The following CRY1 variants were observed in gnomAD, a reference collection of about 807,000 sequenced individuals.
CRY1 encodes the protein cryptochrome-1.
Under a neutral mutation model 76.0 loss-of-function variants are expected in CRY1, and 45 were observed. The observed-to-expected ratio is 0.59, with a 90% CI of 0.47 to 0.76. The LOEUF is 0.76. Among genes scored for constraint, CRY1 ranks in the 30% least tolerant of loss-of-function variants. CRY1 has a pLI of 0.00. For missense variants in CRY1, 587 were observed against 716.4 expected, an observed-to-expected ratio of 0.82 and a Z score of 2.06; for synonymous variants, 248 against 244.0, an observed-to-expected ratio of 1.02 and a Z score of -0.15.
chr12:107,051,129 A>G (rs1952914336), intron 1 of CRY1, among the ~76,000 whole-genome samples: 1 of 152,232 alleles, frequency 6.6e-6, no homozygotes, highest in Non-Finnish European at 1.5e-5. Flanking sequence ...TTTCAATTAC[A>G]TGCGTTTACA....
intron 1 of CRY1, among the ~76,000 whole-genome samples, chr12:107,069,198 C>A (rs372501170): frequency 7.9e-5 from 12 of 151,286 alleles, no homozygotes; most frequent in African/African-American, 2.9e-4. Flanking sequence ...TTTCTCCACA[C>A]CCTCGCCAAC....
chr12:107,035,614 T>C (rs1263475159), intron 1 of CRY1, among the ~76,000 whole-genome samples: 1 of 152,184 alleles, frequency 6.6e-6, no homozygotes, highest in Non-Finnish European at 1.5e-5. Flanking sequence ...GACACTTGAA[T>C]AATAAAGTGG....
rs567436573 is a variant in CRY1 at position 107,061,001 on chromosome 12, A to G, written c.158+31803T>C. Among the ~76,000 whole-genome samples, 26 of 152,102 alleles carry G rather than the reference A, an allele frequency of 1.7e-4. No individual in the cohort carries two copies. The South Asian group carries it at 2.7e-3, about 16-fold the overall frequency. On this transcript the variant is annotated intron_variant, in intron 1 of 12. Transcript: ENST00000008527. The stretch of plus-strand genomic sequence containing the variant: ...AAAAACAAAAATCAAACAAACAAAA[A>G]AAATTATTTCTCTTTACTGAGATTC...
chr12:107,087,766 G>C (rs1288926930), intron 1 of CRY1, among the ~76,000 whole-genome samples: 1 of 152,178 alleles, frequency 6.6e-6, no homozygotes, highest in Non-Finnish European at 1.5e-5. Context: ...AGAAAAAAGA[G>C]GGTGGGCATG....
At chr12:107,088,443 A>G (rs1953429433) in intron 1 of CRY1, among the ~76,000 whole-genome samples, 1 of 152,168 alleles carries the variant, frequency 6.6e-6, no homozygotes, top group Non-Finnish European at 1.5e-5. Context: ...TTCTTTATAA[A>G]TTACCCACCC....
At chr12:107,085,669 G>C (rs906285508) in intron 1 of CRY1, among the ~76,000 whole-genome samples, 21 of 152,208 alleles carry the variant, frequency 1.4e-4, no homozygotes, top group Admixed American at 3.3e-4. Context: ...AGGGGTTGAG[G>C]GGCAAGGGGA....
intron 10 of CRY1, among the ~76,000 whole-genome samples, chr12:106,994,907 G>C (rs1352865274): frequency 6.6e-6 from 1 of 152,230 alleles, no homozygotes; most frequent in East Asian, 1.9e-4. Context: ...TATTCAAATT[G>C]TAGGAGATAC....
At chr12:107,054,364 TATTA>T (rs886783521) in intron 1 of CRY1, among the ~76,000 whole-genome samples, 20 of 151,828 alleles carry the variant, frequency 1.3e-4, no homozygotes, top group East Asian at 7.7e-4. Flanking sequence ...GTAATTATTT[TATTA>T]ATTAATAAAT....
chr12:107,068,610 T>C (rs897054123), intron 1 of CRY1, among the ~76,000 whole-genome samples: 1 of 152,102 alleles, frequency 6.6e-6, no homozygotes, highest in Non-Finnish European at 1.5e-5. Flanking sequence ...AAATTAATAA[T>C]GTTAAAATGT....
intron 1 of CRY1, among the ~76,000 whole-genome samples, chr12:107,026,162 T>TATATATATATTACATATATATATAAA (rs1952612434): frequency 1.4e-4 from 3 of 21,888 alleles, no homozygotes; most frequent in Admixed American, 7.0e-4. Flanking sequence ...ATATAAAATA[T>TATATATATATTACATATATATATAAA]ATATATATAT....
chr12:107,072,763 T>C (rs1253898733), intron 1 of CRY1, among the ~76,000 whole-genome samples: 1 of 152,230 alleles, frequency 6.6e-6, no homozygotes, highest in East Asian at 1.9e-4. Context: ...CTACCAGTGT[T>C]GTATTTCTTA....
At chr12:107,041,637 G>A (rs962360524) in intron 1 of CRY1, among the ~76,000 whole-genome samples, 1 of 152,090 alleles carries the variant, frequency 6.6e-6, no homozygotes, top group East Asian at 1.9e-4. Context: ...ATACTTCTAG[G>A]CTTTACAGGA....
chr12:107,043,090 C>T (rs1430487891), intron 1 of CRY1: 2 of 152,070 alleles, frequency 1.3e-5, no homozygotes, highest in South Asian at 2.1e-4. Flanking sequence ...GGTGAGTAGC[C>T]GTGACTCTCC....
chr12:107,032,404 C>T (rs1952686978), intron 1 of CRY1, among the ~76,000 whole-genome samples: 1 of 152,054 alleles, frequency 6.6e-6, no homozygotes, highest in Non-Finnish European at 1.5e-5. Flanking sequence ...GAGAATGAAT[C>T]ACCTCAACGC....
At position 106,992,486 on chromosome 12, in the gene CRY1, T is replaced by C. The variant is rs1952189742; in HGVS notation, c.*301A>G. 1.3e-5 allele frequency: 3 copies of C among 239,162 alleles called. No homozygotes were observed. In the South Asian group the frequency reaches 2.2e-4, roughly 17 times the overall value. The allele number at this position is 239,162 out of a possible 1,614,324, so 14.8% of individuals were successfully genotyped here. On this transcript the variant is annotated intron_variant, in intron 12 of 12. Transcript: ENST00000008527. ...ACTTTAATTGTTTTAGACTCATAGTTACATAGTAAGGAAATAAAAAAGTTG... is the reference window on the plus strand; with the variant it reads ...ACTTTAATTGTTTTAGACTCATAGTCACATAGTAAGGAAATAAAAAAGTTG...
chr12:107,080,272 G>A (rs1953306031), intron 1 of CRY1, among the ~76,000 whole-genome samples: 1 of 151,986 alleles, frequency 6.6e-6, no homozygotes, highest in South Asian at 2.1e-4. Context: ...GAAGGATGAA[G>A]ATGAACTCTG....
chr12:107,034,367 C>T (rs763724426), intron 1 of CRY1, among the ~76,000 whole-genome samples: 1 of 152,042 alleles, frequency 6.6e-6, no homozygotes, highest in Non-Finnish European at 1.5e-5. Flanking sequence ...CATGAATAAG[C>T]CACCCCTTGT....
chr12:107,051,759 CTTATG>C (rs1373671318), intron 1 of CRY1, among the ~76,000 whole-genome samples: 1 of 152,036 alleles, frequency 6.6e-6, no homozygotes, highest in Non-Finnish European at 1.5e-5. Context: ...GTCTATATAA[CTTATG>C]CCACCATGAT....
At chr12:107,048,215 G>A (rs1952872239) in intron 1 of CRY1, among the ~76,000 whole-genome samples, 1 of 151,976 alleles carries the variant, frequency 6.6e-6, no homozygotes, top group African/African-American at 2.4e-5. Context: ...TGAGTAGCTG[G>A]GATTACAGGC....
Sources: gnomAD v4.1 joint callset for allele counts (sites outside exome capture counted in the v4.1 genomes callset) on GRCh38, gnomAD v4.1.1 for gene constraint, MANE v1.5 for transcripts, NCBI Gene and HGNC (gene_info 2026-07-23, HGNC 2026-07-21) for gene names.